CNTNAP2: variants seen among roughly 807,000 people sequenced by gnomAD.
The protein encoded by CNTNAP2 is contactin-associated protein-like 2.
CNTNAP2 carries 98 observed loss-of-function variants against 155.2 expected under a neutral mutation model. That is an observed-to-expected ratio of 0.63 (90% confidence interval 0.54 to 0.75). The LOEUF is 0.75. Ranked by LOEUF, CNTNAP2 falls within the 30% of genes least tolerant of loss-of-function variation. CNTNAP2 has a pLI of 0.00. For synonymous variants in CNTNAP2, 651 were observed against 631.2 expected, an observed-to-expected ratio of 1.03 and a Z score of -0.47; for missense variants, 1,727 against 1,688.1, an observed-to-expected ratio of 1.02 and a Z score of -0.40.
intron 1 of CNTNAP2, among the ~76,000 whole-genome samples, chr7:146,749,283 C>A (rs1306670580): frequency 6.6e-6 from 1 of 152,068 alleles, no homozygotes; most frequent in Non-Finnish European, 1.5e-5. Context: ...AACCTAACAG[C>A]AGTTTTCTAA....
At chr7:148,152,891 G>A (rs1805326001) in intron 17 of CNTNAP2, among the ~76,000 whole-genome samples, 1 of 151,826 alleles carries the variant, frequency 6.6e-6, no homozygotes, top group Non-Finnish European at 1.5e-5. Context: ...TGTAGTGGCA[G>A]GCGCCTGTAG....
At chr7:148,348,277 A>C (rs961114024) in intron 21 of CNTNAP2, among the ~76,000 whole-genome samples, 3 of 152,208 alleles carry the variant, frequency 2.0e-5, no homozygotes, top group Non-Finnish European at 2.9e-5. Flanking sequence ...GAGTAAATCC[A>C]TAAAGCCTTA....
At chr7:146,812,161 G>A (rs1803078071) in intron 2 of CNTNAP2, among the ~76,000 whole-genome samples, 1 of 152,092 alleles carries the variant, frequency 6.6e-6, no homozygotes. Flanking sequence ...CTCAGAAGAA[G>A]ACAGGAAAAT....
intron 1 of CNTNAP2, among the ~76,000 whole-genome samples, chr7:146,577,671 GC>G: frequency 6.6e-6 from 1 of 151,768 alleles, no homozygotes; most frequent in Non-Finnish European, 1.5e-5. Context: ...CTACATAAAG[GC>G]CATAAACAAG....
intron 1 of CNTNAP2, among the ~76,000 whole-genome samples, chr7:146,335,248 T>C (rs1801254989): frequency 6.6e-6 from 1 of 152,212 alleles, no homozygotes. Flanking sequence ...TTGAATGTAG[T>C]GTTAGTTATG....
intron 1 of CNTNAP2, among the ~76,000 whole-genome samples, chr7:146,680,176 G>T (rs1800477154): frequency 6.6e-6 from 1 of 152,124 alleles, no homozygotes; most frequent in Non-Finnish European, 1.5e-5. Context: ...AAGGCTCAAT[G>T]AATTAGGTGA....
intron 12 of CNTNAP2, among the ~76,000 whole-genome samples, chr7:147,608,856 A>G (rs1801125103): frequency 6.6e-6 from 1 of 151,956 alleles, no homozygotes; most frequent in South Asian, 2.1e-4. Flanking sequence ...GGATTTGGGT[A>G]GGTAGTGGAA....
At chr7:147,692,106 C>T (rs1201766579) in intron 13 of CNTNAP2, among the ~76,000 whole-genome samples, 1 of 152,100 alleles carries the variant, frequency 6.6e-6, no homozygotes, top group Non-Finnish European at 1.5e-5. Flanking sequence ...TAGTCTGAAT[C>T]ATACAGTATT....
At chr7:147,474,092 A>C (rs1798273711) in intron 10 of CNTNAP2, among the ~76,000 whole-genome samples, 1 of 148,254 alleles carries the variant, frequency 6.7e-6, no homozygotes. Context: ...AAAAAAAATA[A>C]ATAAAAATAA....
Position 146,319,095 on chromosome 7 carries a change from C to T in CNTNAP2, c.97+202122C>T, listed in dbSNP as rs115516066. 7.4e-4 allele frequency among the ~76,000 whole-genome samples: 112 copies of T among 152,218 alleles called. 1 individual carries two copies. Among genetic ancestry groups the T allele is most frequent in the African/African-American group, 2.6e-3 (109 of 41,538 alleles). On this transcript the variant is annotated intron_variant, in intron 1 of 23. Transcript: ENST00000361727. ...GCAACCTGGCTCTAGAGGTGTTGGT[C>T]TCGAATGCCTCAATCTTTTTGTTCT... is the stretch of plus-strand genomic sequence containing the variant.
chr7:146,712,565 G>C (rs1801115639), intron 1 of CNTNAP2, among the ~76,000 whole-genome samples: 1 of 150,274 alleles, frequency 6.7e-6, no homozygotes, highest in Non-Finnish European at 1.5e-5. Context: ...ACCTTTAAAA[G>C]AATATTAATA....
At position 148,306,410 on chromosome 7, in the gene CNTNAP2, T is replaced by G. The variant is rs180685482; in HGVS notation, c.3475+39284T>G. Among the ~76,000 whole-genome samples the G allele has an allele frequency of 2.1e-4, 32 of 152,320 alleles. 1 individual carries two copies. The highest frequency in any genetic ancestry group is 7.2e-4 in the African/African-American group (30 of 41,592). ...ATTTCTTCTTTCATTTCCTGTTCTC[T>G]CTTCCCAGAATTTGTTATTCAGCTA... is the stretch of plus-strand genomic sequence containing the variant. On this transcript the variant is annotated intron_variant, in intron 21 of 23. Coordinates refer to ENST00000361727, the MANE Select transcript of CNTNAP2 (RefSeq NM_014141.6).
chr7:146,533,012 G>A (rs931388714), intron 1 of CNTNAP2, among the ~76,000 whole-genome samples: 10 of 147,716 alleles, frequency 6.8e-5, no homozygotes, highest in African/African-American at 2.2e-4. Context: ...TGAGGGAGGA[G>A]AATTGCTTGA....
At chr7:146,708,867 C>T (rs771675190) in intron 1 of CNTNAP2, among the ~76,000 whole-genome samples, 3 of 151,872 alleles carry the variant, frequency 2.0e-5, no homozygotes, top group Non-Finnish European at 2.9e-5. Context: ...GGATTACAGG[C>T]GTGAACCACT....
At chr7:147,234,898 A>G (rs1053648481) in intron 8 of CNTNAP2, among the ~76,000 whole-genome samples, 8 of 152,166 alleles carry the variant, frequency 5.3e-5, no homozygotes, top group African/African-American at 1.9e-4. Context: ...AGGGCTGCAC[A>G]GTTTCAAGCC....
At position 148,153,240 on chromosome 7, in the gene CNTNAP2, G is replaced by GA. The variant is rs3056237; in HGVS notation, c.2773+5544dup. On this transcript the variant is annotated intron_variant, in intron 17 of 23. Transcript: ENST00000361727. The stretch of plus-strand genomic sequence containing the variant: ...TCACATGTCCTTTTGCAAAGTAACC[G>GA]AAAAAAAAAAAAACAGAGAAGACAC... Among the ~76,000 whole-genome samples the GA allele has an allele frequency of 1.1e-3, 137 of 130,164 alleles. 3 individuals are homozygous for GA. Among genetic ancestry groups the GA allele is most frequent in the Middle Eastern group, 3.9e-3 (1 of 256 alleles). 85.4% of individuals were successfully genotyped at this position (130,164 alleles called of 152,430 possible).
intron 21 of CNTNAP2, among the ~76,000 whole-genome samples, chr7:148,277,212 G>A (rs1327540370): frequency 6.6e-6 from 1 of 152,118 alleles, no homozygotes; most frequent in East Asian, 1.9e-4. Context: ...GCATGGCCAG[G>A]CATCTGCTGG....
intron 18 of CNTNAP2, among the ~76,000 whole-genome samples, chr7:148,174,695 A>T (rs12534650): frequency 0.36 from 54,309 of 152,138 alleles, 10,373 homozygotes; most frequent in Middle Eastern, 0.53. Context: ...ACACGCCAAA[A>T]TATTAACTGT....
At chr7:148,365,236 A>G (rs188368790) in intron 21 of CNTNAP2, among the ~76,000 whole-genome samples, 4 of 152,318 alleles carry the variant, frequency 2.6e-5, no homozygotes, top group African/African-American at 7.2e-5. Context: ...TCTTGGTAAA[A>G]TATCATTTCA....
Sources: gnomAD v4.1 joint callset for allele counts (sites outside exome capture counted in the v4.1 genomes callset) on GRCh38, gnomAD v4.1.1 for gene constraint, MANE v1.5 for transcripts, NCBI Gene and HGNC (gene_info 2026-07-23, HGNC 2026-07-21) for gene names.